SLC2A9: variants seen among roughly 807,000 people sequenced by gnomAD.
SLC2A9 encodes solute carrier family 2 member 9.
SLC2A9 carries 39 observed loss-of-function variants against 50.6 expected under a neutral mutation model. The ratio of observed to expected loss-of-function variants is 0.77; its 90% CI spans 0.60 to 1.01. SLC2A9 has a LOEUF of 1.01. Among genes scored for constraint, SLC2A9 ranks in the 50% least tolerant of loss-of-function variants. SLC2A9 has a pLI of 0.00. For synonymous variants in SLC2A9, 324 were observed against 276.9 expected, an observed-to-expected ratio of 1.17 and a Z score of -1.69; for missense variants, 686 against 677.6, an observed-to-expected ratio of 1.01 and a Z score of -0.14.
intron 10 of SLC2A9, chr4:9,880,119 G>C: frequency 1.0e-6 from 1 of 985,384 alleles, no homozygotes; most frequent in Non-Finnish European, 1.2e-6. Flanking sequence ...TGGCTCCCCT[G>C]GGGACTTGCT....
intron 3 of SLC2A9, chr4:9,783,033 G>C (rs1375348046): frequency 1.4e-5 from 22 of 1,614,106 alleles, no homozygotes; most frequent in Non-Finnish European, 1.8e-5. Flanking sequence ...GGCTTCCCCT[G>C]CGTCAGTGAG....
intron 3 of SLC2A9, chr4:9,783,514 C>A (rs372890003): frequency 3.3e-6 from 5 of 1,493,710 alleles, no homozygotes; most frequent in Admixed American, 3.9e-5. Context: ...CAGACATTGA[C>A]AAGCACGCAC....
chr4:9,804,651 A>G (rs1172936993), intron 3 of SLC2A9, among the ~76,000 whole-genome samples: 37 of 151,950 alleles, frequency 2.4e-4, no homozygotes, highest in Admixed American at 2.1e-3. Context: ...CAAATGCTGC[A>G]TTTTTTCCTA....
At chr4:9,853,322 G>A (rs1428882084) in intron 10 of SLC2A9, among the ~76,000 whole-genome samples, 1 of 115,842 alleles carries the variant, frequency 8.6e-6, no homozygotes, top group Non-Finnish European at 1.6e-5. Flanking sequence ...CCAAGCGAAT[G>A]GAAAACAGAA....
chr4:9,974,275 T>A lies in SLC2A9; in HGVS notation c.681+6317A>T, dbSNP rs189153699. Among the ~76,000 whole-genome samples, 4 of 152,262 alleles carry A rather than the reference T, an allele frequency of 2.6e-5. No individual in the cohort carries two copies. In the East Asian group the frequency reaches 7.7e-4, roughly 29 times the overall value. On this transcript the variant is annotated intron_variant, in intron 5 of 11. Transcript: ENST00000264784. ...CTCCTATTCAGCATAGCAATAAAGTTCTAGCCAGAGCAATCAGGCAAGAGA... is the reference window on the plus strand; with the variant it reads ...CTCCTATTCAGCATAGCAATAAAGTACTAGCCAGAGCAATCAGGCAAGAGA...
At chr4:9,980,550 T>C in intron 5 of SLC2A9, 42 bp downstream of exon 5, 1 of 1,610,982 alleles carries the variant, frequency 6.2e-7, no homozygotes, top group Non-Finnish European at 8.5e-7. Context: ...AGTGGTAACA[T>C]GAGATGAGAG....
At chr4:9,880,280 G>C (rs1237223358) in intron 10 of SLC2A9, 3 of 985,392 alleles carry the variant, frequency 3.0e-6, no homozygotes, top group Admixed American at 6.1e-5. Context: ...TGTGGCTAAA[G>C]TCATTGCTAG....
chr4:9,873,882 C>T (rs957563526), intron 10 of SLC2A9, among the ~76,000 whole-genome samples: 2 of 152,240 alleles, frequency 1.3e-5, no homozygotes, highest in African/African-American at 4.8e-5. Flanking sequence ...TCTGAATTCA[C>T]TCTTCCCAAG....
intron 3 of SLC2A9, chr4:9,782,370 A>C: frequency 6.2e-7 from 1 of 1,613,974 alleles, no homozygotes; most frequent in South Asian, 1.1e-5. Flanking sequence ...GCGTTCTGCG[A>C]CGTCTGGGTG....
Position 9,887,309 on chromosome 4 carries a change from G to A in SLC2A9, c.1291+258C>T, listed in dbSNP as rs141854604. On this transcript the variant is annotated intron_variant, in intron 10 of 11. Coordinates refer to ENST00000264784, the MANE Select transcript of SLC2A9 (RefSeq NM_020041.3). Reference sequence around the variant, plus strand: ...CACCTCTGGATCAGAGCCCTCCCGCGTATGAACTGCTCTTGCTGTGTGGTG... The same window carrying A: ...CACCTCTGGATCAGAGCCCTCCCGCATATGAACTGCTCTTGCTGTGTGGTG... 3.7e-4 allele frequency among the ~76,000 whole-genome samples: 56 copies of A among 152,312 alleles called. 1 individual carries two copies. Among genetic ancestry groups the A allele is most frequent in the East Asian group, 9.6e-4 (5 of 5,190 alleles).
At chr4:9,907,518 A>T (rs1285331348) in intron 8 of SLC2A9, among the ~76,000 whole-genome samples, 1 of 152,212 alleles carries the variant, frequency 6.6e-6, no homozygotes, top group Non-Finnish European at 1.5e-5. Flanking sequence ...TCTCTATTAT[A>T]CTGGTCAACT....
At chr4:9,944,253 C>A (rs928682746) in intron 5 of SLC2A9, among the ~76,000 whole-genome samples, 1 of 152,202 alleles carries the variant, frequency 6.6e-6, no homozygotes, top group African/African-American at 2.4e-5. Flanking sequence ...GCTTTGCTGC[C>A]TTTCCATGGC....
intron 6 of SLC2A9, among the ~76,000 whole-genome samples, chr4:9,938,568 G>T (rs571916552): frequency 3.9e-5 from 6 of 152,250 alleles, no homozygotes; most frequent in African/African-American, 1.4e-4. Flanking sequence ...ACTGCGCCTG[G>T]CCGATCTTTT....
At chr4:9,851,527 A>T (rs963962359) in intron 10 of SLC2A9, among the ~76,000 whole-genome samples, 12 of 152,216 alleles carry the variant, frequency 7.9e-5, no homozygotes, top group African/African-American at 2.9e-4. Flanking sequence ...GTATCTTTTT[A>T]TCTCCAAATG....
intron 8 of SLC2A9, among the ~76,000 whole-genome samples, chr4:9,891,639 G>C (rs914431969): frequency 1.3e-5 from 2 of 152,254 alleles, no homozygotes; most frequent in Admixed American, 1.3e-4. Context: ...GGGTCAGAGA[G>C]GTGAGATAAC....
intron 8 of SLC2A9, among the ~76,000 whole-genome samples, chr4:9,898,285 T>G (rs1041814125): frequency 6.6e-6 from 1 of 152,174 alleles, no homozygotes; most frequent in Non-Finnish European, 1.5e-5. Flanking sequence ...TCTCCAAATA[T>G]GTACAACTAT....
At chr4:10,017,100 C>T (rs946616522) in intron 2 of SLC2A9, among the ~76,000 whole-genome samples, 9 of 152,228 alleles carry the variant, frequency 5.9e-5, no homozygotes, top group Non-Finnish European at 1.2e-4. Flanking sequence ...AGCTCAAATA[C>T]CACCTCCTCC....
chr4:10,016,859 C>CTA (rs1762697094), intron 2 of SLC2A9, among the ~76,000 whole-genome samples: 1 of 152,092 alleles, frequency 6.6e-6, no homozygotes, highest in Non-Finnish European at 1.5e-5. Flanking sequence ...CTGCCCAAGA[C>CTA]TAAAATCCTA....
chr4:9,945,539 T>C (rs553195439), intron 5 of SLC2A9, among the ~76,000 whole-genome samples: 13 of 152,324 alleles, frequency 8.5e-5, no homozygotes, highest in African/African-American at 2.4e-4. Flanking sequence ...CAATAGCTCA[T>C]TGAGGCCACA....
Sources: gnomAD v4.1 joint callset for allele counts (sites outside exome capture counted in the v4.1 genomes callset) on GRCh38, gnomAD v4.1.1 for gene constraint, MANE v1.5 for transcripts, NCBI Gene and HGNC (gene_info 2026-07-23, HGNC 2026-07-21) for gene names.